Variants in TSPEAR observed in about 807,000 individuals in gnomAD.
The protein encoded by TSPEAR is thrombospondin type laminin G domain and EAR repeats, also known as thrombospondin-type laminin G domain and EAR repeat-containing protein.
In TSPEAR, 69 loss-of-function variants were observed where a neutral mutation model predicts 71.6. The ratio of observed to expected loss-of-function variants is 0.96; its 90% CI spans 0.79 to 1.18. TSPEAR has a LOEUF of 1.18. Among genes scored for constraint, TSPEAR ranks in the 50% most tolerant of loss-of-function variants. TSPEAR has a pLI of 0.00. For missense variants in TSPEAR, 971 were observed against 894.9 expected (o/e 1.09, Z -1.09); for synonymous variants, 402 against 387.2 (o/e 1.04, Z -0.45).
At chr21:44,626,448 C>T (rs1982786504) in intron 1 of TSPEAR, among the ~76,000 whole-genome samples, 1 of 152,218 alleles carries the variant, frequency 6.6e-6, no homozygotes, top group African/African-American at 2.4e-5. Flanking sequence ...GGGCTGGCGG[C>T]TGCCTGCTGC....
In TSPEAR at chr21:44,504,831, A is replaced by G. The variant is rs782133262; in HGVS notation, c.1805T>C (p.Val602Ala). Reference sequence around the variant, plus strand: ...GGTACGCCCATCGAAGGAGTTGGCCACCACCAGGAAATAATCTTCTCCCAC... The same window carrying G: ...GGTACGCCCATCGAAGGAGTTGGCCGCCACCAGGAAATAATCTTCTCCCAC... ...FSVGEDYFLV[V>A]ANSFDGRTFS... Residue 602 changes from valine (V) to alanine (A), a missense_variant, in exon 11 of 12, where the codon GTG becomes GCG. Physicochemically the swap from Val to Ala is moderately conservative, Grantham distance 64. Transcript: ENST00000323084. 3.7e-6 allele frequency: 6 copies of G among 1,613,996 alleles called. No homozygotes were observed. In the South Asian group the frequency reaches 5.5e-5, roughly 15 times the overall value.
intron 1 of TSPEAR, among the ~76,000 whole-genome samples, chr21:44,610,468 G>T (rs141413621): frequency 7.2e-5 from 11 of 152,368 alleles, no homozygotes; most frequent in African/African-American, 2.6e-4. Context: ...CAGAAGTCAA[G>T]AATTGAAGTT....
intron 1 of TSPEAR, chr21:44,682,268 C>G (rs1555948197): frequency 1.0e-6 from 1 of 974,542 alleles, no homozygotes; most frequent in Middle Eastern, 3.2e-4. Context: ...TTCCTCAAGG[C>G]TGTTTCCTGG....
Position 44,549,149 on chromosome 21 carries a change from G to T in TSPEAR, c.304-15226C>A, listed in dbSNP as rs587687539. 1.1e-4 allele frequency among the ~76,000 whole-genome samples: 16 copies of T among 152,296 alleles called. 1 individual carries two copies. Among genetic ancestry groups the T allele is most frequent in the African/African-American group, 3.8e-4 (16 of 41,574 alleles). On this transcript the variant is annotated intron_variant, in intron 2 of 11. Coordinates refer to ENST00000323084, the MANE Select transcript of TSPEAR (RefSeq NM_144991.3). ...ACACAATCTAAGCTAGACCCGATTGGCTAAACATTTAGGGGAAGGGGTCGT... is the reference window on the plus strand; with the variant it reads ...ACACAATCTAAGCTAGACCCGATTGTCTAAACATTTAGGGGAAGGGGTCGT...
At chr21:44,616,454 C>G (rs587712517) in intron 1 of TSPEAR, among the ~76,000 whole-genome samples, 1 of 152,280 alleles carries the variant, frequency 6.6e-6, no homozygotes, top group South Asian at 2.1e-4. Flanking sequence ...CCACAGGGCT[C>G]TTACCTTTCA....
At chr21:44,511,332 T>C (rs1470935855) in intron 9 of TSPEAR, among the ~76,000 whole-genome samples, 2 of 151,960 alleles carry the variant, frequency 1.3e-5, no homozygotes, top group East Asian at 1.9e-4. Context: ...CATGCATGCA[T>C]ACACACACAA....
chr21:44,677,051 GGCCCACCAGCTCAT>G, intron 1 of TSPEAR: 1 of 774,352 alleles, frequency 1.3e-6, no homozygotes, highest in Middle Eastern at 2.3e-4. Context: ...TCCTGAGCTT[GGCCCACCAGCTCAT>G]GATACTGAGA....
chr21:44,539,126 G>A, intron 2 of TSPEAR: 1 of 1,132,796 alleles, frequency 8.8e-7, no homozygotes. Flanking sequence ...GCAAGAGCTG[G>A]GGAGCTGCAA....
chr21:44,511,961 G>T (rs1555912770), intron 9 of TSPEAR, among the ~76,000 whole-genome samples: 1 of 152,100 alleles, frequency 6.6e-6, no homozygotes, highest in Non-Finnish European at 1.5e-5. Context: ...CCTGGAACGG[G>T]CTGCTGCAGA....
At chr21:44,579,103 GC>G (rs1569198135) in intron 1 of TSPEAR, among the ~76,000 whole-genome samples, 1 of 152,214 alleles carries the variant, frequency 6.6e-6, no homozygotes, top group Non-Finnish European at 1.5e-5. Flanking sequence ...GGGTGACCAG[GC>G]CTGGAGGCTG....
intron 1 of TSPEAR, among the ~76,000 whole-genome samples, chr21:44,624,276 C>A (rs192197394): frequency 2.0e-5 from 3 of 152,332 alleles, no homozygotes; most frequent in Admixed American, 2.0e-4. Flanking sequence ...TAGTTTGACA[C>A]TGAAATTCTC....
chr21:44,514,519 C>G (rs150793227), intron 9 of TSPEAR, among the ~76,000 whole-genome samples: 1 of 152,164 alleles, frequency 6.6e-6, no homozygotes, highest in Non-Finnish European at 1.5e-5. Context: ...CCCCACATGC[C>G]GACAGCTGCA....
chr21:44,663,840 T>C (rs1985618909), intron 1 of TSPEAR, among the ~76,000 whole-genome samples: 1 of 152,042 alleles, frequency 6.6e-6, no homozygotes, highest in South Asian at 2.1e-4. Flanking sequence ...ATTCACCATA[T>C]CAACAGACTA....
At chr21:44,608,084 C>T (rs1375349831) in intron 1 of TSPEAR, among the ~76,000 whole-genome samples, 1 of 152,144 alleles carries the variant, frequency 6.6e-6, no homozygotes, top group Non-Finnish European at 1.5e-5. Context: ...ATGAAAAGTA[C>T]ACCTGGGAAC....
intron 1 of TSPEAR, among the ~76,000 whole-genome samples, chr21:44,651,862 CAAGCTTTTA>C (rs1555941483): frequency 6.6e-6 from 1 of 151,970 alleles, no homozygotes; most frequent in Non-Finnish European, 1.5e-5. Flanking sequence ...GGAAAAAAAT[CAAGCTTTTA>C]AAAAATGAAA....
intron 8 of TSPEAR, among the ~76,000 whole-genome samples, chr21:44,523,342 G>A (rs2052775557): frequency 6.6e-6 from 1 of 151,874 alleles, no homozygotes; most frequent in African/African-American, 2.4e-5. Context: ...ACTCAGTGAA[G>A]TGGTCGGTCA....
chr21:44,644,785 T>TA (rs1555939151), intron 1 of TSPEAR, among the ~76,000 whole-genome samples: 1 of 152,106 alleles, frequency 6.6e-6, no homozygotes, highest in African/African-American at 2.4e-5. Flanking sequence ...AAATTATTAT[T>TA]AAAAATGGAA....
At chr21:44,682,243 T>G in intron 1 of TSPEAR, 1 of 1,176,066 alleles carries the variant, frequency 8.5e-7, no homozygotes, top group Non-Finnish European at 1.2e-6. Flanking sequence ...ACACCTGTTG[T>G]CTTCCTTGTT....
intron 1 of TSPEAR, chr21:44,637,250 G>A (rs760860058): frequency 3.2e-5 from 29 of 917,088 alleles, no homozygotes; most frequent in Non-Finnish European, 4.5e-5. Context: ...GGGTCCTCCC[G>A]GCTCCAAACA....
Sources: gnomAD v4.1 joint callset for allele counts (sites outside exome capture counted in the v4.1 genomes callset) on GRCh38, gnomAD v4.1.1 for gene constraint, MANE v1.5 for transcripts, NCBI Gene and HGNC (gene_info 2026-07-23, HGNC 2026-07-21) for gene names.